GVQW3: variants seen among roughly 807,000 people sequenced by gnomAD.
GVQW3 encodes GVQW motif containing 3.
In GVQW3, 7 loss-of-function variants were observed where a neutral mutation model predicts 12.5. The ratio of observed to expected loss-of-function variants is 0.56; its 90% CI spans 0.32 to 1.05. The LOEUF (loss-of-function observed/expected upper bound fraction) is 1.05. Among genes scored for constraint, GVQW3 ranks in the 50% least tolerant of loss-of-function variants. The probability of loss-of-function intolerance (pLI) is 0.04; values close to 1 mark genes in which losing one functional copy is unlikely to be tolerated. For missense variants in GVQW3, 188 were observed against 190.8 expected, an observed-to-expected ratio of 0.99 and a Z score of 0.09; for synonymous variants, 71 against 67.2, an observed-to-expected ratio of 1.06 and a Z score of -0.28.
In GVQW3 at chr11:76,381,974, G is replaced by A. The variant is rs542528591; in HGVS notation, c.146G>A (p.Arg49Lys). The A allele has an allele frequency of 9.0e-5, 139 of 1,536,368 alleles. No individual in the cohort carries two copies. The highest frequency in any genetic ancestry group is 1.6e-4 in the Admixed American group (8 of 51,000). Reference protein sequence around the residue: ...SRARVFDWHKRFKEGREDVRD... With the variant: ...SRARVFDWHKKFKEGREDVRD... ...GCCAGAGTTTTTGACTGGCACAAAA[G>A]GTTTAAAGAAGGACGGGAAGATGTT... The change falls in exon 1 of 2, where the codon AGG (arginine) becomes AAG (lysine). Residue 49 changes from arginine (R) to lysine (K), a missense_variant. Coordinates refer to ENST00000529331, the MANE Select transcript of GVQW3 (RefSeq NM_001347885.2).
intron 1 of GVQW3, among the ~76,000 whole-genome samples, chr11:76,400,333 T>C (rs1946977506): frequency 6.6e-6 from 1 of 151,860 alleles, no homozygotes; most frequent in East Asian, 1.9e-4. Flanking sequence ...AGACTGGTCC[T>C]GAACTCCTGA....
intron 1 of GVQW3, chr11:76,395,129 T>C (rs1051735590): frequency 6.6e-6 from 1 of 152,264 alleles, no homozygotes; most frequent in African/African-American, 2.4e-5. Flanking sequence ...AATTTTTTAT[T>C]GTGGTAAAAT....
intron 1 of GVQW3, among the ~76,000 whole-genome samples, chr11:76,402,618 C>T (rs912399808): frequency 1.3e-5 from 2 of 151,890 alleles, no homozygotes; most frequent in African/African-American, 4.8e-5. Context: ...GCAAGGAGTG[C>T]GATGTGAGAC....
At chr11:76,397,496 TTCA>T (rs1324948698) in intron 1 of GVQW3, among the ~76,000 whole-genome samples, 1 of 152,232 alleles carries the variant, frequency 6.6e-6, no homozygotes, top group Non-Finnish European at 1.5e-5. Flanking sequence ...AGGAGCGGTA[TTCA>T]TAAGTAATTC....
rs1410140213 is a variant in GVQW3 at position 76,404,087 on chromosome 11, C to T, written c.*329C>T. 2 of 460,884 alleles carry T rather than the reference C, an allele frequency of 4.3e-6. No individual in the cohort carries two copies. The highest frequency in any genetic ancestry group is 7.8e-6 in the Non-Finnish European group (2 of 257,378). The allele number at this position is 460,884 out of a possible 1,614,324, so 28.5% of individuals were successfully genotyped here. A position where few individuals can be genotyped will look rare whatever the true frequency, so the allele number is the denominator to read the frequency against. On this transcript the variant is annotated 3_prime_UTR_variant, in exon 2 of 2. Coordinates refer to ENST00000529331, the MANE Select transcript of GVQW3 (RefSeq NM_001347885.2). ...GTACCCCATGATCCAGTCAAGTGAACATATAAAATTGGCTGTCACATCTCC... is the reference window on the plus strand; with the variant it reads ...GTACCCCATGATCCAGTCAAGTGAATATATAAAATTGGCTGTCACATCTCC...
rs1166516143 is a variant in GVQW3 at position 76,406,734 on chromosome 11, C to A, written c.*2976C>A. 6.6e-6 allele frequency: 1 copy of A among 152,190 alleles called. No homozygotes were observed. The allele number at this position is 152,190 out of a possible 1,614,324, so 9.4% of individuals were successfully genotyped here. A position where few individuals can be genotyped will look rare whatever the true frequency, so the allele number is the denominator to read the frequency against. On this transcript the variant is annotated 3_prime_UTR_variant, in exon 2 of 2. Coordinates refer to ENST00000529331, the MANE Select transcript of GVQW3 (RefSeq NM_001347885.2). The stretch of plus-strand genomic sequence containing the variant: ...GTTTAAATAAATATGCCGGGCCAGG[C>A]GTGGTGGCTCACGCCTGTAATCCCA...
In GVQW3 at chr11:76,404,312, C is replaced by T. The variant is rs1415145648; in HGVS notation, c.*554C>T. The T allele has an allele frequency of 3.8e-6, 1 of 263,132 alleles. No individual in the cohort carries two copies. Among genetic ancestry groups the T allele is most frequent in the African/African-American group, 2.2e-5 (1 of 45,560 alleles). The allele number at this position is 263,132 out of a possible 1,614,324, so 16.3% of individuals were successfully genotyped here. A position where few individuals can be genotyped will look rare whatever the true frequency, so the allele number is the denominator to read the frequency against. On this transcript the variant is annotated 3_prime_UTR_variant, in exon 2 of 2. Coordinates refer to ENST00000529331, the MANE Select transcript of GVQW3 (RefSeq NM_001347885.2). ...GAAAGGTTGTCTAAACTGCCAAAGC[C>T]ATAGAACTTTAAGTGCGGAAATAGG...
chr11:76,401,899 T>C (rs2134560763), intron 1 of GVQW3, among the ~76,000 whole-genome samples: 1 of 152,276 alleles, frequency 6.6e-6, no homozygotes. Context: ...GGGGTTTCTA[T>C]TTCTTGTAAA....
rs890528671 is a variant in GVQW3 at position 76,381,451 on chromosome 11, T to C, written c.-378T>C. Reference sequence around the variant, plus strand: ...ACATCACCGATGCATCTCTTCTTGCTTGCTTAATTTGCCACCACTTAGGCC... The same window carrying C: ...ACATCACCGATGCATCTCTTCTTGCCTGCTTAATTTGCCACCACTTAGGCC... On this transcript the variant is annotated 5_prime_UTR_variant, in exon 1 of 2. Transcript: ENST00000529331. 1 of 179,562 alleles carries C rather than the reference T, an allele frequency of 5.6e-6. No homozygotes were observed. The highest frequency in any genetic ancestry group is 1.2e-5 in the Non-Finnish European group (1 of 85,232). 11.1% of individuals were successfully genotyped at this position (179,562 alleles called of 1,614,324 possible). A position where few individuals can be genotyped will look rare whatever the true frequency, so the allele number is the denominator to read the frequency against.
exon 2 of GVQW3, chr11:76,413,942 T>C (rs1384629673): frequency 6.6e-6 from 1 of 152,200 alleles, no homozygotes; most frequent in Non-Finnish European, 1.5e-5. Flanking sequence ...AGATAGAGGA[T>C]AGAAACATTT....
intron 1 of GVQW3, among the ~76,000 whole-genome samples, chr11:76,398,039 G>A (rs1223227102): frequency 1.3e-5 from 2 of 151,116 alleles, no homozygotes; most frequent in Non-Finnish European, 2.9e-5. Context: ...GGAGGCTGAG[G>A]TACGAGAATC....
intron 1 of GVQW3, among the ~76,000 whole-genome samples, chr11:76,400,026 C>CACACACAT (rs1590822778): frequency 6.6e-6 from 1 of 150,900 alleles, no homozygotes; most frequent in East Asian, 1.9e-4. Context: ...CACACACACA[C>CACACACAT]ACACACACAC....
intron 1 of GVQW3, among the ~76,000 whole-genome samples, chr11:76,384,631 T>C (rs912153016): frequency 1.3e-5 from 2 of 152,204 alleles, no homozygotes; most frequent in African/African-American, 4.8e-5. Flanking sequence ...TCAACACCTG[T>C]TAGTTTTGAG....
intron 1 of GVQW3, among the ~76,000 whole-genome samples, chr11:76,393,990 C>T (rs960565612): frequency 6.6e-6 from 1 of 152,084 alleles, no homozygotes; most frequent in Admixed American, 6.5e-5. Flanking sequence ...CCTCCACCTC[C>T]TGGGTTCAAG....
At chr11:76,399,966 C>T (rs1207705426) in intron 1 of GVQW3, among the ~76,000 whole-genome samples, 1 of 149,660 alleles carries the variant, frequency 6.7e-6, no homozygotes, top group Admixed American at 6.7e-5. Flanking sequence ...TCCATAATTG[C>T]ATGAGCCAAT....
At chr11:76,400,652 T>G (rs913685440) in intron 1 of GVQW3, among the ~76,000 whole-genome samples, 1 of 152,084 alleles carries the variant, frequency 6.6e-6, no homozygotes, top group Non-Finnish European at 1.5e-5. Context: ...ACTCCTGACC[T>G]CAGGTGATCC....
In GVQW3 at chr11:76,401,912, C is replaced by T. The variant is rs73491619; in HGVS notation, c.466-1748C>T. Among the ~76,000 whole-genome samples, 842 of 152,190 alleles carry T rather than the reference C, an allele frequency of 5.5e-3. 8 individuals carry two copies. The highest frequency in any genetic ancestry group is 0.02 in the African/African-American group (817 of 41,516). On this transcript the variant is annotated intron_variant, in intron 1 of 1. Transcript: ENST00000529331. ...CTGGGGTTTCTATTTCTTGTAAATG[C>T]TATTTATTACCCCACCCACAGCCTC... is the stretch of plus-strand genomic sequence containing the variant.
chr11:76,384,471 T>C (rs1946811757), intron 1 of GVQW3, among the ~76,000 whole-genome samples: 1 of 152,122 alleles, frequency 6.6e-6, no homozygotes, highest in Non-Finnish European at 1.5e-5. Context: ...TACAGGTGCA[T>C]GCTGCTACAC....
chr11:76,403,937 G>A lies in GVQW3; in HGVS notation c.*179G>A. On this transcript the variant is annotated 3_prime_UTR_variant, in exon 2 of 2. Transcript: ENST00000529331. ...TTCTATTCAGGTCCTCAATGAATTG[G>A]ATGATGTCCATGCACATTAGGGAGG... The A allele has an allele frequency of 1.4e-6, 1 of 701,446 alleles. No individual in the cohort carries two copies. The highest frequency in any genetic ancestry group is 2.6e-6 in the Non-Finnish European group (1 of 384,036). The allele number at this position is 701,446 out of a possible 1,614,324, so 43.5% of individuals were successfully genotyped here.
Sources: gnomAD v4.1 joint callset for allele counts (sites outside exome capture counted in the v4.1 genomes callset) on GRCh38, gnomAD v4.1.1 for gene constraint, MANE v1.5 for transcripts, NCBI Gene and HGNC (gene_info 2026-07-23, HGNC 2026-07-21) for gene names.